The following ANGPT1 variants were observed in gnomAD, a reference collection of about 807,000 sequenced individuals.
ANGPT1 encodes angiopoietin-1.
A neutral mutation model predicts 62.2 loss-of-function variants in ANGPT1; 17 were observed. The ratio of observed to expected loss-of-function variants is 0.27; its 90% CI spans 0.19 to 0.41. ANGPT1 has a LOEUF of 0.41. Among genes scored for constraint, ANGPT1 ranks in the 10% least tolerant of loss-of-function variants. ANGPT1 has a pLI of 1.00. For missense variants in ANGPT1, 478 were observed against 594.9 expected, an observed-to-expected ratio of 0.80 and a Z score of 2.04; for synonymous variants, 199 against 198.9, an observed-to-expected ratio of 1.00 and a Z score of 0.00.
At position 107,497,363 on chromosome 8, in the gene ANGPT1, C is replaced by T. The variant is rs753934789; in HGVS notation, c.196G>A (p.Ala66Thr). The T allele has an allele frequency of 1.9e-5, 31 of 1,614,036 alleles. No homozygotes were observed. The highest frequency in any genetic ancestry group is 3.3e-5 in the Admixed American group (2 of 60,008). The change falls in exon 1 of 9, where the codon GCT (alanine) becomes ACT (threonine). Residue 66 changes from alanine (A) to threonine (T), a missense_variant. Physicochemically the swap from Ala to Thr is moderately conservative, Grantham distance 58. This residue lies in a region of ANGPT1 where 343 missense variants were observed against 355.4 expected (regional missense o/e 0.97). Transcript: ENST00000517746. ...ESTTDQYNTN[A>T]LQRDAPHVEP... ...ACGTGTGGAGCATCTCTCTGCAGAG[C>T]GTTTGTGTTGTACTGGTCTGTCGTA... is the stretch of plus-strand genomic sequence containing the variant.
chr8:107,458,557 A>G (rs1811984031), intron 1 of ANGPT1, among the ~76,000 whole-genome samples: 1 of 152,198 alleles, frequency 6.6e-6, no homozygotes, highest in Admixed American at 6.5e-5. Context: ...TCTAGTAGAT[A>G]ATTATTGGTG....
chr8:107,496,887 TATTA>T (rs2130552566), intron 1 of ANGPT1, among the ~76,000 whole-genome samples: 1 of 152,368 alleles, frequency 6.6e-6, no homozygotes, highest in South Asian at 2.1e-4. Flanking sequence ...GATTTGATCT[TATTA>T]ATTAATATTG....
intron 7 of ANGPT1, among the ~76,000 whole-genome samples, chr8:107,273,030 C>T (rs1813776076): frequency 6.6e-6 from 1 of 152,022 alleles, no homozygotes; most frequent in African/African-American, 2.4e-5. Flanking sequence ...GAGTGACTCT[C>T]TGGTCTGACC....
intron 2 of ANGPT1, 105 bp from the exon 3 acceptor site, chr8:107,336,376 T>C (rs1586235437): frequency 1.4e-6 from 2 of 1,442,336 alleles, no homozygotes; most frequent in East Asian, 5.5e-5. Context: ...ATTTAACAAA[T>C]GGTTTACCGC....
intron 1 of ANGPT1, among the ~76,000 whole-genome samples, chr8:107,374,316 G>C (rs1816482783): frequency 6.6e-6 from 1 of 152,126 alleles, no homozygotes; most frequent in African/African-American, 2.4e-5. Flanking sequence ...ATTATTATAA[G>C]ATTAGAAAGT....
Position 107,497,386 on chromosome 8 carries a change from G to C in ANGPT1, c.173C>G (p.Thr58Arg), listed in dbSNP as rs758762905. 6.2e-7 allele frequency: 1 copy of C among 1,614,026 alleles called. No homozygotes were observed. The highest frequency in any genetic ancestry group is 1.3e-5 in the African/African-American group (1 of 74,894). Residue 58 changes from threonine to arginine, a missense_variant, in exon 1 of 9, where the codon ACG becomes AGG. By Grantham distance (71) the Thr-to-Arg change is moderately conservative. Coordinates refer to ENST00000517746, the MANE Select transcript of ANGPT1 (RefSeq NM_001146.5). ...PEHDGNCRES[T>R]TDQYNTNALQ... Reference sequence around the variant, plus strand: ...AGCGTTTGTGTTGTACTGGTCTGTCGTACTCTCACGACAGTTGCCATCGTG... The same window carrying C: ...AGCGTTTGTGTTGTACTGGTCTGTCCTACTCTCACGACAGTTGCCATCGTG...
At chr8:107,481,532 CAAA>C (rs71562147) in intron 1 of ANGPT1, among the ~76,000 whole-genome samples, 5 of 64,314 alleles carry the variant, frequency 7.8e-5, no homozygotes, top group Admixed American at 2.0e-4. Flanking sequence ...GACTCTGTCT[CAAA>C]AAAAAAAAAA....
chr8:107,414,211 C>G (rs1384922244), intron 1 of ANGPT1, among the ~76,000 whole-genome samples: 1 of 151,990 alleles, frequency 6.6e-6, no homozygotes, highest in Non-Finnish European at 1.5e-5. Context: ...AGTGGGCCCC[C>G]AAACAAGGGA....
At chr8:107,306,570 A>G (rs548635540) in intron 4 of ANGPT1, among the ~76,000 whole-genome samples, 7 of 152,250 alleles carry the variant, frequency 4.6e-5, no homozygotes, top group Admixed American at 3.9e-4. Flanking sequence ...ATGCATAGAT[A>G]TTATAAAACT....
intron 4 of ANGPT1, among the ~76,000 whole-genome samples, chr8:107,321,586 C>T (rs1815150250): frequency 6.6e-6 from 1 of 152,122 alleles, no homozygotes; most frequent in Non-Finnish European, 1.5e-5. Flanking sequence ...AAGTGTCTAA[C>T]ACCATAATAC....
In ANGPT1 at chr8:107,359,708, T is replaced by C. The variant is rs145373922; in HGVS notation, c.298-12611A>G. ...GCATAATACACAGTACACAAAATGA[T>C]ATATTTAGCATGTTCTCAATTATGG... On this transcript the variant is annotated intron_variant, in intron 1 of 8. Coordinates refer to ENST00000517746, the MANE Select transcript of ANGPT1 (RefSeq NM_001146.5). Among the ~76,000 whole-genome samples, 929 of 152,296 alleles carry C rather than the reference T, an allele frequency of 6.1e-3. 3 individuals carry two copies. Among genetic ancestry groups the C allele is most frequent in the Non-Finnish European group, 0.01 (698 of 68,012 alleles).
chr8:107,326,700 C>T (rs1815298372), intron 3 of ANGPT1, among the ~76,000 whole-genome samples: 1 of 152,052 alleles, frequency 6.6e-6, no homozygotes, highest in Non-Finnish European at 1.5e-5. Context: ...TGTAACACAC[C>T]ATTATAGTTA....
chr8:107,432,489 C>T (rs1037568274), intron 1 of ANGPT1, among the ~76,000 whole-genome samples: 11 of 151,984 alleles, frequency 7.2e-5, no homozygotes, highest in Non-Finnish European at 1.5e-4. Context: ...GTAGTGAAAC[C>T]CTGTCTCTGC....
chr8:107,304,692 A>T (rs898448115), intron 4 of ANGPT1, among the ~76,000 whole-genome samples: 2 of 151,930 alleles, frequency 1.3e-5, no homozygotes, highest in African/African-American at 4.8e-5. Context: ...TCAGATTTTT[A>T]AAAAATATTA....
At chr8:107,319,894 T>G (rs1374410296) in intron 4 of ANGPT1, among the ~76,000 whole-genome samples, 1 of 151,990 alleles carries the variant, frequency 6.6e-6, no homozygotes, top group East Asian at 1.9e-4. Flanking sequence ...GCAAATAAAA[T>G]CTATGGTCAT....
At chr8:107,357,557 G>C (rs929357127) in intron 1 of ANGPT1, among the ~76,000 whole-genome samples, 2 of 152,068 alleles carry the variant, frequency 1.3e-5, no homozygotes, top group African/African-American at 4.8e-5. Flanking sequence ...GGGGTAAAAG[G>C]CTCTCCACCA....
intron 1 of ANGPT1, among the ~76,000 whole-genome samples, chr8:107,418,094 T>C (rs1810798234): frequency 6.6e-6 from 1 of 152,210 alleles, no homozygotes; most frequent in Non-Finnish European, 1.5e-5. Context: ...ACACACTTTT[T>C]CCTTTTTACA....
In ANGPT1 at chr8:107,250,444, C is replaced by T. The variant is rs888573451; in HGVS notation, c.*1411G>A. ...TTAATTTTCTTTTTGTATATATTTC[C>T]CTTACATATAATAGTTTTGCCAATT... On this transcript the variant is annotated 3_prime_UTR_variant, in exon 9 of 9. Coordinates refer to ENST00000517746, the MANE Select transcript of ANGPT1 (RefSeq NM_001146.5). The T allele has an allele frequency of 1.1e-4, 17 of 151,342 alleles. No individual in the cohort carries two copies. The highest frequency in any genetic ancestry group is 4.2e-4 in the African/African-American group (17 of 40,866). The allele number at this position is 151,342 out of a possible 1,614,324, so 9.4% of individuals were successfully genotyped here.
intron 1 of ANGPT1, among the ~76,000 whole-genome samples, chr8:107,432,937 A>T (rs1167891394): frequency 6.6e-6 from 1 of 152,120 alleles, no homozygotes; most frequent in African/African-American, 2.4e-5. Context: ...GTAGGCATTC[A>T]TTCCAGTTTG....
Sources: allele counts gnomAD v4.1 joint callset (sites outside exome capture counted in the v4.1 genomes callset), GRCh38; gene constraint gnomAD v4.1.1; regional missense constraint gnomAD v4.1.1; transcripts MANE v1.5; gene names NCBI Gene and HGNC (gene_info 2026-07-23, HGNC 2026-07-21).